PTGFR: variants seen among roughly 807,000 people sequenced by gnomAD.
PTGFR encodes the protein prostaglandin F receptor.
Under a neutral mutation model 26.2 loss-of-function variants are expected in PTGFR, and 15 were observed. That is an observed-to-expected ratio of 0.57 (90% CI 0.38 to 0.88). The LOEUF (loss-of-function observed/expected upper bound fraction) is 0.88. PTGFR is among the 40% of genes least tolerant of loss of function. PTGFR has a pLI of 0.00. For missense variants in PTGFR, 369 were observed against 427.2 expected, an observed-to-expected ratio of 0.86 and a Z score of 1.20; for synonymous variants, 165 against 151.1, an observed-to-expected ratio of 1.09 and a Z score of -0.68.
chr1:78,492,580 C>G, intron 1 of PTGFR, 92 bp from the exon 2 acceptor site: 1 of 659,918 alleles, frequency 1.5e-6, no homozygotes, highest in South Asian at 2.3e-5. Flanking sequence ...CAGATAAAAC[C>G]CATCCCACCA....
chr1:78,509,799 T>A (rs1649921359), intron 2 of PTGFR, among the ~76,000 whole-genome samples: 1 of 152,212 alleles, frequency 6.6e-6, no homozygotes, highest in African/African-American at 2.4e-5. Flanking sequence ...AGTTTTACAT[T>A]TTTGTGGATT....
At chr1:78,528,997 G>A (rs1650442689) in intron 2 of PTGFR, among the ~76,000 whole-genome samples, 1 of 152,032 alleles carries the variant, frequency 6.6e-6, no homozygotes, top group East Asian at 1.9e-4. Flanking sequence ...TAGATGCCCA[G>A]GCACAAAAGA....
intron 2 of PTGFR, among the ~76,000 whole-genome samples, chr1:78,513,611 G>C: frequency 6.6e-6 from 1 of 151,778 alleles, no homozygotes; most frequent in Non-Finnish European, 1.5e-5. Context: ...AAAATTTGCA[G>C]TTTAATCTTC....
chr1:78,532,225 C>A, intron 2 of PTGFR: 1 of 406,250 alleles, frequency 2.5e-6, no homozygotes, highest in South Asian at 1.7e-5. Context: ...ATAAGACACT[C>A]AACGAGAAAT....
chr1:78,494,235 T>C (rs1396659426), intron 2 of PTGFR, among the ~76,000 whole-genome samples: 1 of 152,248 alleles, frequency 6.6e-6, no homozygotes, highest in Non-Finnish European at 1.5e-5. Flanking sequence ...GAAACAAACA[T>C]AAATCATATC....
intron 2 of PTGFR, among the ~76,000 whole-genome samples, chr1:78,511,433 G>A (rs1311768569): frequency 6.6e-6 from 1 of 152,168 alleles, no homozygotes; most frequent in African/African-American, 2.4e-5. Context: ...CTCAGGAGTG[G>A]TGGCAGGAGA....
intron 2 of PTGFR, among the ~76,000 whole-genome samples, chr1:78,524,906 A>ATTTTTTTTTTTTTTT (rs35641651): frequency 4.3e-4 from 30 of 70,524 alleles, no homozygotes; most frequent in Admixed American, 6.5e-4. Flanking sequence ...CAAATGCAAG[A>ATTTTTTTTTTTTTTT]TTTTTTTTTT....
chr1:78,520,097 G>A (rs1650186832), intron 2 of PTGFR, among the ~76,000 whole-genome samples: 1 of 151,924 alleles, frequency 6.6e-6, no homozygotes, highest in South Asian at 2.1e-4. Context: ...TCTCCTCTAA[G>A]ATGCCAACCA....
At chr1:78,532,656 C>T (rs913538612) in intron 2 of PTGFR, among the ~76,000 whole-genome samples, 8 of 151,152 alleles carry the variant, frequency 5.3e-5, no homozygotes, top group Non-Finnish European at 1.5e-5. Flanking sequence ...CAACCTCTGC[C>T]TCTCGGGTTC....
At chr1:78,524,441 G>A (rs1164513317) in intron 2 of PTGFR, among the ~76,000 whole-genome samples, 1 of 152,042 alleles carries the variant, frequency 6.6e-6, no homozygotes, top group African/African-American at 2.4e-5. Flanking sequence ...CTTATGGAAT[G>A]AATATTTGCA....
At chr1:78,495,817 T>G in intron 2 of PTGFR, among the ~76,000 whole-genome samples, 1 of 152,240 alleles carries the variant, frequency 6.6e-6, no homozygotes, top group East Asian at 1.9e-4. Context: ...TTTGGTTTGG[T>G]TTGGAATAAA....
chr1:78,490,986 C>G lies in PTGFR; in HGVS notation c.-323C>G, dbSNP rs1043215034. On this transcript the variant is annotated 5_prime_UTR_variant, in exon 1 of 3. Transcript: ENST00000370757. ...AGAGGCGGAGGTCACTCGCGCGCCCCATCCCTCCCAGGCTGCCAGCGCAGC... is the reference window on the plus strand; with the variant it reads ...AGAGGCGGAGGTCACTCGCGCGCCCGATCCCTCCCAGGCTGCCAGCGCAGC... 6.6e-6 allele frequency: 1 copy of G among 152,626 alleles called. No individual in the cohort carries two copies. The highest frequency in any genetic ancestry group is 1.5e-5 in the Non-Finnish European group (1 of 68,384). 9.5% of individuals were successfully genotyped at this position (152,626 alleles called of 1,614,324 possible). A position where few individuals can be genotyped will look rare whatever the true frequency, so the allele number is the denominator to read the frequency against.
At chr1:78,495,754 C>T (rs1180605911) in intron 2 of PTGFR, among the ~76,000 whole-genome samples, 1 of 152,208 alleles carries the variant, frequency 6.6e-6, no homozygotes, top group Non-Finnish European at 1.5e-5. Flanking sequence ...ATTTCATACT[C>T]TTGGTGTGGA....
At chr1:78,494,456 C>T (rs1649494056) in intron 2 of PTGFR, among the ~76,000 whole-genome samples, 1 of 152,126 alleles carries the variant, frequency 6.6e-6, no homozygotes, top group Non-Finnish European at 1.5e-5. Flanking sequence ...GGAGGGCATC[C>T]AGAGATAGCA....
At chr1:78,510,401 C>T (rs1649936245) in intron 2 of PTGFR, among the ~76,000 whole-genome samples, 1 of 152,076 alleles carries the variant, frequency 6.6e-6, no homozygotes, top group Non-Finnish European at 1.5e-5. Context: ...GGAACAGGCA[C>T]ATCATATGTC....
intron 2 of PTGFR, among the ~76,000 whole-genome samples, chr1:78,514,253 G>A (rs35100765): frequency 0.011 from 1,672 of 152,276 alleles, 18 homozygotes; most frequent in Admixed American, 0.012. Context: ...GAGCAGCCAC[G>A]GTGGCTGCAT....
chr1:78,511,803 T>C (rs1376554994), intron 2 of PTGFR, among the ~76,000 whole-genome samples: 1 of 152,222 alleles, frequency 6.6e-6, no homozygotes, highest in African/African-American at 2.4e-5. Flanking sequence ...CCCTTTTAAA[T>C]ATAAGTTCCA....
intron 2 of PTGFR, chr1:78,497,831 T>C: frequency 7.5e-7 from 1 of 1,335,904 alleles, no homozygotes; most frequent in Non-Finnish European, 1.1e-6. Context: ...ACTTCAGCTG[T>C]CTTTTACTGG....
At position 78,536,533 on chromosome 1, in the gene PTGFR, A is replaced by G; in HGVS notation, c.926A>G (p.Lys309Arg). 5.0e-6 allele frequency: 8 copies of G among 1,613,418 alleles called. No homozygotes were observed. Among genetic ancestry groups the G allele is most frequent in the Non-Finnish European group, 6.8e-6 (8 of 1,179,536 alleles). ...CCTTGGGTATATATTCTTCTACGAA[A>G]GGCTGTCCTTAAGAATCTCTATAAG... is the stretch of plus-strand genomic sequence containing the variant. ...LDPWVYILLR[K>R]AVLKNLYKLA... The change falls in exon 3 of 3, where the codon AAG (lysine) becomes AGG (arginine). Residue 309 changes from lysine to arginine, a missense_variant. By Grantham distance (26) the Lys-to-Arg change is conservative. Transcript: ENST00000370757.
Sources: gnomAD v4.1 joint callset for allele counts (sites outside exome capture counted in the v4.1 genomes callset) on GRCh38, gnomAD v4.1.1 for gene constraint, MANE v1.5 for transcripts, NCBI Gene and HGNC (gene_info 2026-07-23, HGNC 2026-07-21) for gene names.